The following CUL1 variants were observed in gnomAD, a reference collection of about 807,000 sequenced individuals.
CUL1 encodes the protein cullin-1.
Under a neutral mutation model 118.0 loss-of-function variants are expected in CUL1, and 24 were observed. That is an observed-to-expected ratio of 0.20 (90% CI 0.15 to 0.29). The LOEUF (loss-of-function observed/expected upper bound fraction) is 0.29, where lower values mean the gene tolerates loss of function less well. Ranked by LOEUF, CUL1 falls within the 10% of genes least tolerant of loss-of-function variation. The pLI, the probability that CUL1 is intolerant of heterozygous loss-of-function variation, is 1.00. For synonymous variants in CUL1, 332 were observed against 340.4 expected, an observed-to-expected ratio of 0.98 and a Z score of 0.27; for missense variants, 361 against 933.8, an observed-to-expected ratio of 0.39 and a Z score of 7.99.
chr7:148,794,856 G>A (rs1325550425), intron 17 of CUL1, among the ~76,000 whole-genome samples: 4 of 152,276 alleles, frequency 2.6e-5, no homozygotes, highest in South Asian at 4.1e-4. Context: ...AATTGAGACG[G>A]AGTCTTGCTC....
At chr7:148,712,929 AACCCAGC>A (rs1344297932) in intron 1 of CUL1, among the ~76,000 whole-genome samples, 1 of 152,224 alleles carries the variant, frequency 6.6e-6, no homozygotes, top group Non-Finnish European at 1.5e-5. Context: ...TTTGTGGGAT[AACCCAGC>A]ACCCACACAG....
At chr7:148,702,088 A>G (rs534208107) in intron 1 of CUL1, among the ~76,000 whole-genome samples, 8 of 152,370 alleles carry the variant, frequency 5.3e-5, no homozygotes, top group African/African-American at 1.9e-4. Flanking sequence ...GCATTAAATG[A>G]AAAATAGATC....
intron 7 of CUL1, among the ~76,000 whole-genome samples, chr7:148,766,078 T>C (rs1269003984): frequency 6.6e-6 from 1 of 152,226 alleles, no homozygotes; most frequent in Non-Finnish European, 1.5e-5. Flanking sequence ...CAGACATCAG[T>C]GGCTGTTTAA....
chr7:148,745,841 C>T (rs189552812), intron 2 of CUL1, among the ~76,000 whole-genome samples: 207 of 152,220 alleles, frequency 1.4e-3, no homozygotes, highest in African/African-American at 4.6e-3. Flanking sequence ...CTGGCTTGTT[C>T]TTCAGTTGTT....
intron 9 of CUL1, among the ~76,000 whole-genome samples, chr7:148,781,979 G>C (rs10215159): frequency 0.7 from 107,234 of 152,180 alleles, 38,281 homozygotes; most frequent in African/African-American, 0.81. Flanking sequence ...GTGACACGCA[G>C]TTCTTTGTAG....
At position 148,783,807 on chromosome 7, in the gene CUL1, G is replaced by C. The variant is rs994348862; in HGVS notation, c.1108G>C (p.Val370Leu). The change falls in exon 10 of 22, where the codon GTG becomes CTG. Residue 370 changes from valine (V) to leucine (L), a missense_variant. By Grantham distance (32) the Val-to-Leu change is conservative. This residue lies in a region of CUL1 where 169 missense variants were observed against 429.7 expected (regional missense o/e 0.39). Transcript: ENST00000325222. ...GGACCCCAAAATGTATGTACAGACA[G>C]TGCTTGATGTTCATAAAAAATACAA... Reference protein sequence around the residue: ...LNDPKMYVQTVLDVHKKYNAL... With the variant: ...LNDPKMYVQTLLDVHKKYNAL... 1.2e-6 allele frequency: 2 copies of C among 1,614,174 alleles called. No homozygotes were observed. Among genetic ancestry groups the C allele is most frequent in the Admixed American group, 3.3e-5 (2 of 60,024 alleles).
At chr7:148,768,594 A>T (rs1800089121) in intron 9 of CUL1, among the ~76,000 whole-genome samples, 2 of 151,954 alleles carry the variant, frequency 1.3e-5, no homozygotes, top group South Asian at 4.2e-4. Context: ...TGTGTTGGCC[A>T]GGCTGGTCTC....
At chr7:148,751,551 A>AAAAC (rs1799492706) in intron 2 of CUL1, among the ~76,000 whole-genome samples, 1 of 148,944 alleles carries the variant, frequency 6.7e-6, no homozygotes. Flanking sequence ...AAAAAAAAAA[A>AAAAC]AAACCTCTCT....
At chr7:148,743,612 A>T (rs1283791558) in intron 2 of CUL1, among the ~76,000 whole-genome samples, 3 of 152,198 alleles carry the variant, frequency 2.0e-5, no homozygotes, top group Non-Finnish European at 4.4e-5. Flanking sequence ...TCAAATTTTC[A>T]TATATTTTAA....
intron 3 of CUL1, among the ~76,000 whole-genome samples, chr7:148,755,482 G>C (rs1799625625): frequency 6.6e-6 from 1 of 152,224 alleles, no homozygotes; most frequent in African/African-American, 2.4e-5. Context: ...CTAACAGACT[G>C]TATGTAGTTG....
intron 1 of CUL1, among the ~76,000 whole-genome samples, chr7:148,720,060 G>C (rs1798352008): frequency 6.6e-6 from 1 of 152,238 alleles, no homozygotes; most frequent in African/African-American, 2.4e-5. Context: ...ACAGAGTCTA[G>C]CGTAGCAGCT....
At chr7:148,714,581 A>G (rs1798152056) in intron 1 of CUL1, among the ~76,000 whole-genome samples, 1 of 152,228 alleles carries the variant, frequency 6.6e-6, no homozygotes, top group Non-Finnish European at 1.5e-5. Flanking sequence ...TGTCCCTTCT[A>G]AGAGAATCTG....
At position 148,788,042 on chromosome 7, in the gene CUL1, T is replaced by G. The variant is rs138353839; in HGVS notation, c.1480-515T>G. ...GATTCGGTTCCTGGTGCAGGCCCTC[T>G]TCCTGCTTTGTAGGCAGCCACCTTC... On this transcript the variant is annotated intron_variant, in intron 13 of 21. Transcript: ENST00000325222. Among the ~76,000 whole-genome samples, 4 of 152,344 alleles carry G rather than the reference T, an allele frequency of 2.6e-5. No homozygotes were observed. The East Asian group carries it at 7.7e-4, about 29-fold the overall frequency.
In CUL1 at chr7:148,786,532, A is replaced by G. The variant is rs1800820627; in HGVS notation, c.1299-19A>G. ...ACGTACTGATGTTTTAAAACATGGT[A>G]TCTTTTTAAAATTTTCAGTTCCAAG... On this transcript the variant is annotated intron_variant, in intron 11 of 21. Transcript: ENST00000325222. The G allele has an allele frequency of 6.2e-7, 1 of 1,602,280 alleles. No individual in the cohort carries two copies. Among genetic ancestry groups the G allele is most frequent in the South Asian group, 1.1e-5 (1 of 90,372 alleles).
chr7:148,738,430 G>A (rs954020954), intron 2 of CUL1, among the ~76,000 whole-genome samples: 32 of 152,176 alleles, frequency 2.1e-4, no homozygotes, highest in Non-Finnish European at 3.7e-4. Context: ...ACGTTTCTAG[G>A]ATGACAGAAG....
chr7:148,779,329 C>A (rs1216807719), intron 9 of CUL1, among the ~76,000 whole-genome samples: 2 of 152,160 alleles, frequency 1.3e-5, no homozygotes, highest in African/African-American at 4.8e-5. Context: ...GTGGGCAACA[C>A]TGAGATGTAC....
chr7:148,715,375 C>T (rs975301939), intron 1 of CUL1, among the ~76,000 whole-genome samples: 1 of 151,552 alleles, frequency 6.6e-6, no homozygotes, highest in African/African-American at 2.4e-5. Context: ...GAGCTATGTT[C>T]TTGAAGGCCG....
At chr7:148,739,099 G>A (rs754671231) in intron 2 of CUL1, among the ~76,000 whole-genome samples, 10 of 152,160 alleles carry the variant, frequency 6.6e-5, no homozygotes, top group Non-Finnish European at 1.5e-4. Flanking sequence ...GAATACATCC[G>A]TTTCACAGTC....
chr7:148,729,097 G>A (rs1798674871), intron 1 of CUL1, among the ~76,000 whole-genome samples: 1 of 152,148 alleles, frequency 6.6e-6, no homozygotes, highest in Non-Finnish European at 1.5e-5. Flanking sequence ...GAGAAGTATT[G>A]GTTTGATACA....
Sources: allele counts gnomAD v4.1 joint callset (sites outside exome capture counted in the v4.1 genomes callset), GRCh38; gene constraint gnomAD v4.1.1; regional missense constraint gnomAD v4.1.1; transcripts MANE v1.5; gene names NCBI Gene and HGNC (gene_info 2026-07-23, HGNC 2026-07-21).